The following DLG1 variants were observed in gnomAD, a reference collection of about 807,000 sequenced individuals.
The protein encoded by DLG1 is discs large MAGUK scaffold protein 1.
In DLG1, 42 loss-of-function variants were observed where a neutral mutation model predicts 123.4. The observed-to-expected ratio is 0.34, with a 90% CI of 0.27 to 0.44. The LOEUF is 0.44. Ranked by LOEUF, DLG1 falls within the 20% of genes least tolerant of loss-of-function variation. The pLI, the probability that DLG1 is intolerant of heterozygous loss-of-function variation, is 1.00. For missense variants in DLG1, 942 were observed against 1,082.6 expected (o/e 0.87, Z 1.82); for synonymous variants, 317 against 356.2 (o/e 0.89, Z 1.24).
At position 197,085,619 on chromosome 3, in the gene DLG1, C is replaced by T. The variant is rs1753899162; in HGVS notation, c.1799G>A (p.Gly600Asp). The T allele has an allele frequency of 1.9e-6, 3 of 1,613,992 alleles. No individual in the cohort carries two copies. The highest frequency in any genetic ancestry group is 2.5e-6 in the Non-Finnish European group (3 of 1,179,990). ...WWQARQVTPD[G>D]ESDEVGVIPS... is the part of the protein sequence containing the mutation. ...AATCACTCCGACCTCATCGCTCTCA[C>T]CATCTGGTGTAACCTGCCTGGCTTG... Residue 600 changes from glycine to aspartate, a missense_variant, in exon 16 of 25, where the codon GGT becomes GAT. Coordinates refer to ENST00000667157, the MANE Select transcript of DLG1 (RefSeq NM_001366207.1).
intron 4 of DLG1, among the ~76,000 whole-genome samples, chr3:197,279,125 A>G (rs1311258794): frequency 6.6e-6 from 1 of 152,210 alleles, no homozygotes; most frequent in Non-Finnish European, 1.5e-5. Context: ...CAAATGAAAC[A>G]AGAGATCAAA....
rs571862825 is a variant in DLG1, at chr3:197,254,931, T to C, written c.318+27748A>G. On this transcript the variant is annotated intron_variant, in intron 4 of 24. Transcript: ENST00000667157. ...ATTAGCCGGGCGTGGTGGCACGTGC[T>C]TGTAATCCTAGCTACTCAGGAGGAT... is the stretch of plus-strand genomic sequence containing the variant. Among the ~76,000 whole-genome samples the C allele has an allele frequency of 2.6e-5, 4 of 151,994 alleles. No individual in the cohort carries two copies. The East Asian group carries it at 5.8e-4, about 22-fold the overall frequency.
At chr3:197,263,390 T>TA in intron 4 of DLG1, among the ~76,000 whole-genome samples, 1 of 152,052 alleles carries the variant, frequency 6.6e-6, no homozygotes, top group Non-Finnish European at 1.5e-5. Flanking sequence ...TTTTGTAAAA[T>TA]AAAAAAACTC....
chr3:197,140,037 T>C, intron 8 of DLG1, 103 bp downstream of exon 8: 3 of 1,315,706 alleles, frequency 2.3e-6, no homozygotes, highest in Non-Finnish European at 3.2e-6. Context: ...CTATGCTAGT[T>C]ATCATGATCG....
At chr3:197,064,340 G>A (rs528503315) in intron 22 of DLG1, among the ~76,000 whole-genome samples, 39 of 152,074 alleles carry the variant, frequency 2.6e-4, no homozygotes, top group African/African-American at 7.7e-4. Flanking sequence ...ATTAAGGCAT[G>A]CACTGCCAAG....
chr3:197,240,545 T>C (rs1170407896), intron 4 of DLG1, among the ~76,000 whole-genome samples: 1 of 152,148 alleles, frequency 6.6e-6, no homozygotes, highest in Non-Finnish European at 1.5e-5. Flanking sequence ...AACCAATAAC[T>C]GACACTAATG....
Position 197,051,550 on chromosome 3 carries a change from A to C in DLG1, c.2575+27T>G, listed in dbSNP as rs112212968. On this transcript the variant is annotated intron_variant, in intron 24 of 24. Coordinates refer to ENST00000667157, the MANE Select transcript of DLG1 (RefSeq NM_001366207.1). ...GCTTCAAAGCAAAATTCTATCTTAAAGAGGACTGTTACAACACGGTTCCAA... is the reference window on the plus strand; with the variant it reads ...GCTTCAAAGCAAAATTCTATCTTAACGAGGACTGTTACAACACGGTTCCAA... The C allele has an allele frequency of 5.0e-3, 7,958 of 1,588,746 alleles. 100 individuals are homozygous for C. The highest frequency in any genetic ancestry group is 0.027 in the South Asian group (2,395 of 89,910).
chr3:197,205,319 T>G (rs1419403903), intron 4 of DLG1, among the ~76,000 whole-genome samples: 1 of 151,912 alleles, frequency 6.6e-6, no homozygotes, highest in Admixed American at 6.6e-5. Flanking sequence ...AAGGACAACA[T>G]TCTAAAAAAA....
At chr3:197,200,273 T>C (rs1038276281) in intron 4 of DLG1, among the ~76,000 whole-genome samples, 2 of 152,204 alleles carry the variant, frequency 1.3e-5, no homozygotes, top group African/African-American at 4.8e-5. Flanking sequence ...CAAATATTAT[T>C]AGTGTGCAAA....
intron 18 of DLG1, among the ~76,000 whole-genome samples, chr3:197,071,657 ACAGT>A (rs1038630045): frequency 6.6e-6 from 1 of 152,250 alleles, no homozygotes; most frequent in Admixed American, 6.5e-5. Flanking sequence ...ACCAAAGAAG[ACAGT>A]CAAATAACCA....
intron 12 of DLG1, among the ~76,000 whole-genome samples, chr3:197,118,810 G>A (rs1463700951): frequency 1.3e-5 from 2 of 152,140 alleles, no homozygotes; most frequent in African/African-American, 4.8e-5. Flanking sequence ...TAAATTTTGT[G>A]TGTCAGAATA....
intron 24 of DLG1, among the ~76,000 whole-genome samples, chr3:197,049,365 A>G (rs1337413819): frequency 1.3e-5 from 2 of 152,216 alleles, no homozygotes; most frequent in Non-Finnish European, 1.5e-5. Flanking sequence ...AAGAAAACCA[A>G]AGGAAAATAA....
At chr3:197,062,244 G>A (rs540210584) in intron 22 of DLG1, among the ~76,000 whole-genome samples, 49 of 152,174 alleles carry the variant, frequency 3.2e-4, no homozygotes, top group Non-Finnish European at 5.9e-4. Context: ...CTCTACAGTC[G>A]GACAAAATCA....
At chr3:197,080,906 G>C (rs1337788817) in intron 17 of DLG1, 145 bp downstream of exon 17, 1 of 613,398 alleles carries the variant, frequency 1.6e-6, no homozygotes, top group African/African-American at 1.9e-5. Context: ...ATGGGTGCTT[G>C]AATTTAACAA....
At chr3:197,062,728 G>A (rs570031975) in intron 22 of DLG1, among the ~76,000 whole-genome samples, 54 of 152,212 alleles carry the variant, frequency 3.5e-4, no homozygotes, top group African/African-American at 1.2e-3. Flanking sequence ...GCCCAGATCC[G>A]GGCCCCAGAT....
At chr3:197,081,012 A>C in intron 17 of DLG1, 39 bp downstream of exon 17, 1 of 1,569,420 alleles carries the variant, frequency 6.4e-7, no homozygotes, top group African/African-American at 1.4e-5. Flanking sequence ...ATGTAGCTCA[A>C]ACAGGAATTA....
At chr3:197,217,837 A>T (rs1274552498) in intron 4 of DLG1, among the ~76,000 whole-genome samples, 1 of 152,226 alleles carries the variant, frequency 6.6e-6, no homozygotes, top group Non-Finnish European at 1.5e-5. Flanking sequence ...TTTTCAAGTG[A>T]TGGATACATT....
intron 5 of DLG1, among the ~76,000 whole-genome samples, chr3:197,176,215 T>C (rs1359403136): frequency 6.6e-6 from 1 of 152,064 alleles, no homozygotes; most frequent in East Asian, 1.9e-4. Flanking sequence ...TTTAGAGCAG[T>C]TTTAGTTCCC....
chr3:197,122,672 C>T (rs767146205), intron 11 of DLG1, among the ~76,000 whole-genome samples: 59 of 152,134 alleles, frequency 3.9e-4, no homozygotes, highest in Non-Finnish European at 4.9e-4. Context: ...CAAAGTAGTA[C>T]ATTTATAATA....
Sources: allele counts gnomAD v4.1 joint callset (sites outside exome capture counted in the v4.1 genomes callset), GRCh38; gene constraint gnomAD v4.1.1; transcripts MANE v1.5; gene names NCBI Gene and HGNC (gene_info 2026-07-23, HGNC 2026-07-21).